Variants in DOT1L observed in about 807,000 individuals in gnomAD.
DOT1L encodes DOT1 like histone lysine methyltransferase, also known as histone-lysine N-methyltransferase, H3 lysine-79 specific.
In DOT1L, 33 loss-of-function variants were observed where a neutral mutation model predicts 153.3. That is an observed-to-expected ratio of 0.22 (90% CI 0.16 to 0.29). DOT1L has a LOEUF of 0.29. DOT1L is among the 10% of genes least tolerant of loss of function. The pLI is 1.00. For synonymous variants in DOT1L, 1,135 were observed against 965.1 expected (o/e 1.18, Z -3.26); for missense variants, 1,847 against 2,119.9 (o/e 0.87, Z 2.53).
intron 10 of DOT1L, 95 bp downstream of exon 10, chr19:2,206,892 A>G (rs1357369722): frequency 7.7e-7 from 1 of 1,291,968 alleles, no homozygotes; most frequent in Non-Finnish European, 1.1e-6. Flanking sequence ...CCCTGTGGAC[A>G]CTGGGGCTGG....
intron 5 of DOT1L, among the ~76,000 whole-genome samples, chr19:2,192,649 G>A (rs565474781): frequency 2.0e-5 from 3 of 150,730 alleles, no homozygotes; most frequent in Admixed American, 2.0e-4. Context: ...CTCCGGCCTG[G>A]GTGACAGAGT....
At chr19:2,172,379 T>C (rs12978179) in intron 1 of DOT1L, among the ~76,000 whole-genome samples, 70,076 of 151,170 alleles carry the variant, frequency 0.46, 16,329 homozygotes, top group African/African-American at 0.47. Context: ...TTAGCAGAGA[T>C]GGGGTTTCAC....
chr19:2,217,723 C>T lies in DOT1L; in HGVS notation c.2545-49C>T. ...GTCCTGTGGCTGTGGTCCCTGTGTC[C>T]TGGAGGGGTTTGTTGACCCACGACT... On this transcript the variant is annotated intron_variant, in intron 21 of 27. Coordinates refer to ENST00000398665, the MANE Select transcript of DOT1L (RefSeq NM_032482.3). This position sits in a 1 kb window ranked among gnomAD's most constrained non-coding sequence, Gnocchi z 7.3. The T allele has an allele frequency of 6.4e-7, 1 of 1,567,332 alleles. No homozygotes were observed. Among genetic ancestry groups the T allele is most frequent in the Non-Finnish European group, 8.6e-7 (1 of 1,157,326 alleles).
chr19:2,227,896 C>A (rs1356271701), intron 27 of DOT1L: 1 of 1,243,822 alleles, frequency 8.0e-7, no homozygotes, highest in Non-Finnish European at 1.0e-6. Flanking sequence ...TCGGTTGAGA[C>A]CCGGCCGCCC....
In DOT1L at chr19:2,217,611, G is replaced by A. The variant is rs1056639576; in HGVS notation, c.2545-161G>A. Among the ~76,000 whole-genome samples the A allele has an allele frequency of 2.0e-5, 3 of 152,152 alleles. No individual in the cohort carries two copies. Among genetic ancestry groups the A allele is most frequent in the South Asian group, 2.1e-4 (1 of 4,826 alleles). ...CGTCCCTCTGGAGTGTCCCAAAGCC[G>A]GTGTCCAGGAGGGCCTGACTGCGTG... is the stretch of plus-strand genomic sequence containing the variant. On this transcript the variant is annotated intron_variant, in intron 21 of 27. Coordinates refer to ENST00000398665, the MANE Select transcript of DOT1L (RefSeq NM_032482.3). The surrounding 1 kb of genome is among the most constrained non-coding windows in gnomAD (Gnocchi z 7.3).
At chr19:2,183,627 G>T (rs1221792687) in intron 2 of DOT1L, among the ~76,000 whole-genome samples, 1 of 147,472 alleles carries the variant, frequency 6.8e-6, no homozygotes, top group Admixed American at 6.8e-5. Flanking sequence ...TCCTGCTTCA[G>T]TGCTTTTTTT....
intron 27 of DOT1L, chr19:2,227,943 C>T: frequency 8.2e-7 from 1 of 1,213,388 alleles, no homozygotes; most frequent in South Asian, 1.4e-5. Context: ...GCTGCCCCCG[C>T]CTGCGCACCT....
intron 18 of DOT1L, chr19:2,214,248 T>A (rs2023820793): frequency 1.2e-6 from 1 of 867,980 alleles, no homozygotes; most frequent in African/African-American, 1.7e-5. Flanking sequence ...CATGCGAGCA[T>A]CCCACCATCG....
intron 8 of DOT1L, 74 bp downstream of exon 8, chr19:2,200,013 AC>A (rs2023182526): frequency 1.3e-6 from 2 of 1,568,586 alleles, no homozygotes; most frequent in African/African-American, 2.7e-5. Flanking sequence ...GGCACCGGGG[AC>A]CGGGAGCGGC....
Position 2,211,835 on chromosome 19 carries a change from A to C in DOT1L, c.1550A>C (p.Gln517Pro), listed in dbSNP as rs1380432184. The stretch of plus-strand genomic sequence containing the variant: ...GCCAGCCTGCAGGAGCTGCTGGGCC[A>C]GGAGAAGGTGGGTCCTGGCCCCCTT... The part of the protein sequence containing the change: ...YKASLQELLG[Q>P]EKEKNAQLLG... The change falls in exon 16 of 28, where the codon CAG (glutamine) becomes CCG (proline). Residue 517 changes from glutamine (Q) to proline (P), a missense_variant. By Grantham distance (76) the Gln-to-Pro change is moderately conservative. Coordinates refer to ENST00000398665, the MANE Select transcript of DOT1L (RefSeq NM_032482.3). 6.4e-7 allele frequency: 1 copy of C among 1,566,298 alleles called. No homozygotes were observed. The highest frequency in any genetic ancestry group is 8.7e-7 in the Non-Finnish European group (1 of 1,155,432).
In DOT1L at chr19:2,174,511, A is replaced by AC. The variant is rs543156692; in HGVS notation, c.82-6198dup. Among the ~76,000 whole-genome samples, 42 of 152,118 alleles carry AC rather than the reference A, an allele frequency of 2.8e-4. No individual in the cohort carries two copies. In the East Asian group the frequency reaches 6.8e-3, roughly 24 times the overall value. On this transcript the variant is annotated intron_variant, in intron 1 of 27. Transcript: ENST00000398665. ...AAACCAGCCTGACCAACGTGGAGAA[A>AC]CCCCGTCTCTGTTAAAAATACAAAA...
Position 2,214,245 on chromosome 19 carries a change from G to A in DOT1L, c.1798-226G>A, listed in dbSNP as rs527432172. The A allele has an allele frequency of 1.3e-4, 114 of 870,216 alleles. No homozygotes were observed. In the South Asian group the frequency reaches 2.0e-3, roughly 15 times the overall value. 53.9% of individuals were successfully genotyped at this position (870,216 alleles called of 1,614,324 possible). On this transcript the variant is annotated intron_variant, in intron 18 of 27. Coordinates refer to ENST00000398665, the MANE Select transcript of DOT1L (RefSeq NM_032482.3). Reference sequence around the variant, plus strand: ...AGGCTCGAGGTGTGGGGTCATGCGAGCATCCCACCATCGTGGTGTGGGTGC... The same window carrying A: ...AGGCTCGAGGTGTGGGGTCATGCGAACATCCCACCATCGTGGTGTGGGTGC...
intron 25 of DOT1L, among the ~76,000 whole-genome samples, chr19:2,223,800 G>A (rs2024222647): frequency 6.6e-6 from 1 of 152,306 alleles, no homozygotes; most frequent in Non-Finnish European, 1.5e-5. Flanking sequence ...TCATCCACAC[G>A]TCTTGCCGAG....
intron 8 of DOT1L, among the ~76,000 whole-genome samples, chr19:2,200,329 GC>G (rs1297699623): frequency 6.6e-6 from 1 of 151,320 alleles, no homozygotes; most frequent in East Asian, 2.0e-4. Context: ...CACTATGAGG[GC>G]TGCTCGAGGG....
rs993303698 is a variant in DOT1L at position 2,217,662 on chromosome 19, G to A, written c.2545-110G>A. The A allele has an allele frequency of 2.1e-5, 30 of 1,462,580 alleles. No individual in the cohort carries two copies. Among genetic ancestry groups the A allele is most frequent in the African/African-American group, 1.8e-4 (13 of 71,608 alleles). The allele number at this position is 1,462,580 out of a possible 1,614,324, so 90.6% of individuals were successfully genotyped here. A position where few individuals can be genotyped will look rare whatever the true frequency, so the allele number is the denominator to read the frequency against. ...GGGAAGGTTGCAGGGCCTTGGCAGC[G>A]TGGGGGCCGCCTTGAGAGAGCTGTA... On this transcript the variant is annotated intron_variant, in intron 21 of 27. Transcript: ENST00000398665. The surrounding 1 kb of genome is among the most constrained non-coding windows in gnomAD (Gnocchi z 7.3).
At chr19:2,185,664 G>A (rs1313345907) in intron 2 of DOT1L, among the ~76,000 whole-genome samples, 191 bp from the exon 3 acceptor site, 1 of 152,204 alleles carries the variant, frequency 6.6e-6, no homozygotes, top group Non-Finnish European at 1.5e-5. Flanking sequence ...AGCTACTTGG[G>A]AGGCTGAGGC....
chr19:2,223,524 G>T, intron 25 of DOT1L, 38 bp downstream of exon 25: 1 of 1,427,198 alleles, frequency 7.0e-7, no homozygotes, highest in African/African-American at 1.4e-5. Flanking sequence ...GGGCCTGGCA[G>T]CAGGGGCAGG....
chr19:2,232,551 T>C lies in DOT1L; in HGVS notation c.*2759T>C, dbSNP rs1412770356. 2 of 210,900 alleles carry C rather than the reference T, an allele frequency of 9.5e-6. No homozygotes were observed. Among genetic ancestry groups the C allele is most frequent in the Admixed American group, 5.9e-5 (1 of 16,976 alleles). The allele number at this position is 210,900 out of a possible 1,614,324, so 13.1% of individuals were successfully genotyped here. A position where few individuals can be genotyped will look rare whatever the true frequency, so the allele number is the denominator to read the frequency against. ...ATTCTGCATCCCCACCTCTAGACGCTGTAATAAACAGACTGTTTTCACTCG... is the reference window on the plus strand; with the variant it reads ...ATTCTGCATCCCCACCTCTAGACGCCGTAATAAACAGACTGTTTTCACTCG... On this transcript the variant is annotated 3_prime_UTR_variant, in exon 28 of 28. Transcript: ENST00000398665.
chr19:2,227,823 C>G (rs527483820), intron 27 of DOT1L: 5 of 1,298,628 alleles, frequency 3.9e-6, no homozygotes, highest in South Asian at 2.5e-5. Context: ...CAGCGCCACA[C>G]TGGGCCCGAG....
Sources: allele counts gnomAD v4.1 joint callset (sites outside exome capture counted in the v4.1 genomes callset), GRCh38; gene constraint gnomAD v4.1.1; non-coding constraint Gnocchi (gnomAD v3.1); transcripts MANE v1.5; gene names NCBI Gene and HGNC (gene_info 2026-07-23, HGNC 2026-07-21).